The following FHIT variants were observed in gnomAD, a reference collection of about 807,000 sequenced individuals.
FHIT encodes the protein bis(5'-adenosyl)-triphosphatase.
A neutral mutation model predicts 17.9 loss-of-function variants in FHIT; 19 were observed. The ratio of observed to expected loss-of-function variants is 1.06; its 90% CI spans 0.74 to 1.56. The LOEUF (loss-of-function observed/expected upper bound fraction) is 1.56. Among genes scored for constraint, FHIT ranks in the 40% most tolerant of loss-of-function variants. The pLI is 0.00. For synonymous variants in FHIT, 81 were observed against 69.7 expected (o/e 1.16, Z -0.81); for missense variants, 248 against 189.2 (o/e 1.31, Z -1.82).
At chr3:59,850,109 T>C (rs1488511310) in intron 8 of FHIT, among the ~76,000 whole-genome samples, 1 of 152,098 alleles carries the variant, frequency 6.6e-6, no homozygotes, top group African/African-American at 2.4e-5. Context: ...TTAATAAAAA[T>C]TAGAAAGGTG....
At chr3:60,387,084 T>A (rs1701041664) in intron 5 of FHIT, among the ~76,000 whole-genome samples, 1 of 150,844 alleles carries the variant, frequency 6.6e-6, no homozygotes, top group Non-Finnish European at 1.5e-5. Flanking sequence ...ACTTCCCAGG[T>A]TCAAGCGATT....
intron 7 of FHIT, among the ~76,000 whole-genome samples, chr3:59,931,027 T>C (rs1705945514): frequency 6.6e-6 from 1 of 152,184 alleles, no homozygotes; most frequent in Admixed American, 6.5e-5. Context: ...TCATATTCCC[T>C]CATTTATCAA....
chr3:60,883,509 AAAAC>A (rs1314097856), intron 3 of FHIT, among the ~76,000 whole-genome samples: 2 of 152,190 alleles, frequency 1.3e-5, no homozygotes, highest in African/African-American at 4.8e-5. Flanking sequence ...TACTGGAGTA[AAAAC>A]AAACACATAG....
At chr3:60,952,589 T>C (rs1431746923) in intron 3 of FHIT, among the ~76,000 whole-genome samples, 1 of 152,124 alleles carries the variant, frequency 6.6e-6, no homozygotes, top group Admixed American at 6.5e-5. Context: ...AGCCTAAGGA[T>C]TATGTGGAGC....
chr3:59,872,487 C>G (rs1702967335), intron 8 of FHIT, among the ~76,000 whole-genome samples: 1 of 152,210 alleles, frequency 6.6e-6, no homozygotes, highest in Non-Finnish European at 1.5e-5. Flanking sequence ...AGAAAATTCA[C>G]TGCATAATTG....
chr3:60,729,040 T>C (rs531471536), intron 4 of FHIT, among the ~76,000 whole-genome samples: 15 of 152,116 alleles, frequency 9.9e-5, no homozygotes, highest in Non-Finnish European at 2.2e-4. Context: ...AAAATTCACA[T>C]ATGCCAAAAA....
intron 2 of FHIT, among the ~76,000 whole-genome samples, chr3:61,048,251 A>G (rs971485067): frequency 1.3e-5 from 2 of 152,162 alleles, no homozygotes; most frequent in Non-Finnish European, 2.9e-5. Flanking sequence ...ATATCCAGAA[A>G]TCTTCCAAGA....
chr3:60,166,495 C>A (rs540407379), intron 5 of FHIT, among the ~76,000 whole-genome samples: 1 of 152,104 alleles, frequency 6.6e-6, no homozygotes, highest in Non-Finnish European at 1.5e-5. Flanking sequence ...CTAAGCAGTA[C>A]CCATGTACTA....
At chr3:59,885,935 T>C (rs1703604497) in intron 8 of FHIT, among the ~76,000 whole-genome samples, 1 of 152,168 alleles carries the variant, frequency 6.6e-6, no homozygotes, top group African/African-American at 2.4e-5. Flanking sequence ...TGTTCAGAAC[T>C]CTGGCCCTAA....
chr3:60,602,124 G>C (rs1170410468), intron 4 of FHIT, among the ~76,000 whole-genome samples: 6 of 152,124 alleles, frequency 3.9e-5, no homozygotes, highest in Non-Finnish European at 8.8e-5. Flanking sequence ...AAAATTCTCA[G>C]TTTTCACACA....
At chr3:60,124,369 A>G (rs77763669) in intron 5 of FHIT, among the ~76,000 whole-genome samples, 4,164 of 152,038 alleles carry the variant, frequency 0.027, 198 homozygotes, top group African/African-American at 0.096. Context: ...AGGTTCATTA[A>G]TAAAATGTCT....
chr3:59,852,956 T>C (rs1271049803), intron 8 of FHIT, among the ~76,000 whole-genome samples: 1 of 152,196 alleles, frequency 6.6e-6, no homozygotes. Flanking sequence ...CTTCCATGTT[T>C]TGGCAATTAA....
intron 7 of FHIT, among the ~76,000 whole-genome samples, chr3:59,955,525 C>T (rs1017897490): frequency 6.6e-6 from 1 of 152,196 alleles, no homozygotes; most frequent in Non-Finnish European, 1.5e-5. Flanking sequence ...ATATCCCTAG[C>T]TCCCACTTCT....
At chr3:60,657,778 T>A (rs1468901759) in intron 4 of FHIT, among the ~76,000 whole-genome samples, 1 of 152,180 alleles carries the variant, frequency 6.6e-6, no homozygotes, top group Non-Finnish European at 1.5e-5. Context: ...CAATATCTGA[T>A]CAGATTCCAT....
At chr3:61,191,072 A>T (rs1161322019) in intron 2 of FHIT, among the ~76,000 whole-genome samples, 1 of 150,910 alleles carries the variant, frequency 6.6e-6, no homozygotes, top group Non-Finnish European at 1.5e-5. Flanking sequence ...CCTAAAACTT[A>T]AAGTATAATA....
chr3:61,074,163 GCCTTCA>G, intron 2 of FHIT, among the ~76,000 whole-genome samples: 2 of 152,168 alleles, frequency 1.3e-5, no homozygotes, highest in Middle Eastern at 6.8e-3. Flanking sequence ...AACCCCTTAA[GCCTTCA>G]GTACTAAGTG....
At chr3:59,805,662 T>C (rs1334491854) in intron 8 of FHIT, among the ~76,000 whole-genome samples, 1 of 152,176 alleles carries the variant, frequency 6.6e-6, no homozygotes, top group South Asian at 2.1e-4. Context: ...GAATGGAACA[T>C]TGGAAAGACT....
chr3:59,962,721 T>C (rs1707743892), intron 7 of FHIT, among the ~76,000 whole-genome samples: 1 of 152,236 alleles, frequency 6.6e-6, no homozygotes, highest in African/African-American at 2.4e-5. Flanking sequence ...CAGTGAGTAT[T>C]TTCTTGGTGC....
At chr3:61,135,371 T>C (rs1177052938) in intron 2 of FHIT, among the ~76,000 whole-genome samples, 1 of 152,246 alleles carries the variant, frequency 6.6e-6, no homozygotes, top group Non-Finnish European at 1.5e-5. Flanking sequence ...CACTGATATT[T>C]ATTGAGCACT....
Sources: allele counts gnomAD v4.1 joint callset (sites outside exome capture counted in the v4.1 genomes callset), GRCh38; gene constraint gnomAD v4.1.1; transcripts MANE v1.5; gene names NCBI Gene and HGNC (gene_info 2026-07-23, HGNC 2026-07-21).